Variants in DMGDH observed in about 807,000 individuals in gnomAD.
The protein encoded by DMGDH is dimethylglycine dehydrogenase.
DMGDH carries 76 observed loss-of-function variants against 95.2 expected under a neutral mutation model. That is an observed-to-expected ratio of 0.80 (90% CI 0.66 to 0.97). DMGDH has a LOEUF of 0.97. Ranked by LOEUF, DMGDH falls within the 50% of genes least tolerant of loss-of-function variation. The pLI is 0.00. For synonymous variants in DMGDH, 345 were observed against 377.6 expected (o/e 0.91, Z 1.00); for missense variants, 987 against 1,055.0 (o/e 0.94, Z 0.89).
intron 11 of DMGDH, 134 bp from the exon 12 acceptor site, chr5:79,028,784 A>T: frequency 1.0e-6 from 1 of 994,264 alleles, no homozygotes; most frequent in Non-Finnish European, 1.5e-6. Flanking sequence ...ATGAAATCAC[A>T]CTGATTTTTA....
chr5:79,044,350 C>A lies in DMGDH; in HGVS notation c.948G>T (p.Glu316Asp). 1 of 1,614,206 alleles carries A rather than the reference C, an allele frequency of 6.2e-7. No homozygotes were observed. Among genetic ancestry groups the A allele is most frequent in the Admixed American group, 1.7e-5 (1 of 60,022 alleles). The change falls in exon 6 of 16, where the codon GAG (glutamate) becomes GAT (aspartate). Residue 316 changes from glutamate (E) to aspartate (D), a missense_variant. By Grantham distance (45) the Glu-to-Asp change is conservative. Transcript: ENST00000255189. Reference sequence around the variant, plus strand: ...CCCAGGAGTCCTGAACTTTCATTTTCTCTTGACTTTCATATGGACCAAACA... The same window carrying A: ...CCCAGGAGTCCTGAACTTTCATTTTATCTTGACTTTCATATGGACCAAACA... ...GLLFGPYESQ[E>D]KMKVQDSWVT... is the part of the protein sequence containing the mutation.
intron 4 of DMGDH, among the ~76,000 whole-genome samples, chr5:79,052,402 C>T: frequency 6.6e-6 from 1 of 152,226 alleles, no homozygotes; most frequent in African/African-American, 2.4e-5. Flanking sequence ...CATATCTGGT[C>T]AAATTAACTA....
At chr5:79,012,975 G>A (rs1490940385) in intron 14 of DMGDH, among the ~76,000 whole-genome samples, 1 of 152,146 alleles carries the variant, frequency 6.6e-6, no homozygotes, top group Non-Finnish European at 1.5e-5. Context: ...TCAGCACTTG[G>A]CTCCTTTTTA....
At position 79,028,565 on chromosome 5, in the gene DMGDH, C is replaced by T. The variant is rs1263147537; in HGVS notation, c.1900G>A (p.Gly634Arg). The T allele has an allele frequency of 1.2e-6, 2 of 1,614,068 alleles. No homozygotes were observed. Among genetic ancestry groups the T allele is most frequent in the Non-Finnish European group, 1.7e-6 (2 of 1,180,010 alleles). The change falls in exon 12 of 16, where the codon GGG (glycine) becomes AGG (arginine). Residue 634 changes from glycine to arginine, a missense_variant. Transcript: ENST00000255189. ...TGAAGGACCTTTCTTGCCTGTGGCC[C>T]AGCAACTCCAAGAACTCCAAGCTCA... ...TDELGVLGVA[G>R]PQARKVLQKL...
chr5:79,015,231 CTCATGTGGTATCCACCCTTCCT>C (rs1305907280), intron 14 of DMGDH, among the ~76,000 whole-genome samples: 1 of 152,170 alleles, frequency 6.6e-6, no homozygotes. Flanking sequence ...CATGCAGTCC[CTCATGTGGTATCCACCCTTCCT>C]TCTAAATAGC....
chr5:79,044,889 AT>A (rs1754626467), intron 5 of DMGDH, among the ~76,000 whole-genome samples: 1 of 152,194 alleles, frequency 6.6e-6, no homozygotes, highest in South Asian at 2.1e-4. Flanking sequence ...AAAGGCACAA[AT>A]GTTAGTAAGA....
At chr5:79,046,689 T>G (rs1293339130) in intron 5 of DMGDH, among the ~76,000 whole-genome samples, 1 of 152,194 alleles carries the variant, frequency 6.6e-6, no homozygotes, top group African/African-American at 2.4e-5. Context: ...TGAGACTTAA[T>G]TTACTCTTGC....
chr5:79,061,808 G>A (rs1755218065), intron 2 of DMGDH, among the ~76,000 whole-genome samples: 1 of 151,914 alleles, frequency 6.6e-6, no homozygotes, highest in East Asian at 1.9e-4. Flanking sequence ...TATAATCCTA[G>A]CTAACTGGGA....
chr5:79,027,399 GA>G (rs1404725150), intron 12 of DMGDH, among the ~76,000 whole-genome samples: 1 of 152,180 alleles, frequency 6.6e-6, no homozygotes, highest in African/African-American at 2.4e-5. Context: ...CAGCAGCCCA[GA>G]GAAAGAGCTA....
At chr5:79,009,213 G>A (rs1753599358) in intron 14 of DMGDH, among the ~76,000 whole-genome samples, 1 of 152,052 alleles carries the variant, frequency 6.6e-6, no homozygotes, top group African/African-American at 2.4e-5. Flanking sequence ...TTTGATATCT[G>A]TATTTGTATA....
chr5:79,019,319 T>C (rs1413833073), intron 14 of DMGDH, among the ~76,000 whole-genome samples: 2 of 152,136 alleles, frequency 1.3e-5, no homozygotes, highest in African/African-American at 2.4e-5. Context: ...GATCTATTAA[T>C]TTACATCCTT....
chr5:79,033,525 C>T (rs1754252867), intron 7 of DMGDH, 117 bp from the exon 8 acceptor site: 2 of 1,227,128 alleles, frequency 1.6e-6, no homozygotes, highest in Middle Eastern at 2.2e-4. Flanking sequence ...TCAGAACACA[C>T]AAGTAACATA....
rs1754006501 is a variant in DMGDH, at chr5:79,026,533, A to G, written c.2081T>C (p.Leu694Pro). 1.2e-6 allele frequency: 2 copies of G among 1,614,060 alleles called. No individual in the cohort carries two copies. The highest frequency in any genetic ancestry group is 1.6e-4 in the Middle Eastern group (1 of 6,084). The change falls in exon 13 of 16, where the codon CTG (leucine) becomes CCG (proline). Residue 694 changes from leucine (L) to proline (P), a missense_variant. Leu to Pro is a moderately conservative substitution (Grantham distance 98). Coordinates refer to ENST00000255189, the MANE Select transcript of DMGDH (RefSeq NM_013391.3). ...GCCTGCATTCATGATAGCGTCATAC[A>G]GCGCCACAGAATCTTCTCTTCTGTG... is the stretch of plus-strand genomic sequence containing the variant. Reference protein sequence around the residue: ...LYHRREDSVALYDAIMNAGQE... With the variant: ...LYHRREDSVAPYDAIMNAGQE...
intron 2 of DMGDH, among the ~76,000 whole-genome samples, chr5:79,061,454 G>T (rs16876468): frequency 6.6e-6 from 1 of 152,034 alleles, no homozygotes; most frequent in Non-Finnish European, 1.5e-5. Context: ...GTAAACCATA[G>T]CCTAATACCT....
chr5:79,023,648 A>G (rs1328818450), intron 14 of DMGDH, among the ~76,000 whole-genome samples: 1 of 152,248 alleles, frequency 6.6e-6, no homozygotes. Flanking sequence ...TCTGAAGGCT[A>G]CATTTTAAGA....
chr5:78,998,110 T>C lies in DMGDH; in HGVS notation c.2573A>G (p.Gln858Arg). 1.9e-6 allele frequency: 3 copies of C among 1,614,248 alleles called. No individual in the cohort carries two copies. Among genetic ancestry groups the C allele is most frequent in the Non-Finnish European group, 2.5e-6 (3 of 1,180,046 alleles). ...VLTEPTRNRL[Q>R]KKGGKDKT ...AGTTTTGTCCTTTCCACCTTTTTTCTGAAGCCGGTTTCTGGTTGGTTCGGT... is the reference window on the plus strand; with the variant it reads ...AGTTTTGTCCTTTCCACCTTTTTTCCGAAGCCGGTTTCTGGTTGGTTCGGT... The change falls in exon 16 of 16, where the codon CAG becomes CGG. Residue 858 changes from glutamine to arginine, a missense_variant. Gln to Arg is a conservative substitution (Grantham distance 43). Transcript: ENST00000255189.
At chr5:79,021,495 G>C in intron 14 of DMGDH, 1 of 1,265,306 alleles carries the variant, frequency 7.9e-7, no homozygotes, top group Non-Finnish European at 1.0e-6. Flanking sequence ...ACTCCAAGAC[G>C]GAAGGAAGCA....
chr5:79,056,411 C>T (rs891518516), intron 2 of DMGDH, among the ~76,000 whole-genome samples: 4 of 151,904 alleles, frequency 2.6e-5, no homozygotes, highest in African/African-American at 9.7e-5. Flanking sequence ...GGCGTGGTGG[C>T]GGGCACCTGT....
At chr5:79,044,278 C>T (rs775337906) in intron 6 of DMGDH, 26 bp downstream of exon 6, 27 of 1,614,058 alleles carry the variant, frequency 1.7e-5, no homozygotes, top group Non-Finnish European at 2.3e-5. Context: ...GTCTGACTAG[C>T]ACACACTTTC....
Sources: gnomAD v4.1 joint callset for allele counts (sites outside exome capture counted in the v4.1 genomes callset) on GRCh38, gnomAD v4.1.1 for gene constraint, MANE v1.5 for transcripts, NCBI Gene and HGNC (gene_info 2026-07-23, HGNC 2026-07-21) for gene names.